The following COL19A1 variants were observed in gnomAD, a reference collection of about 807,000 sequenced individuals.
COL19A1 encodes the protein collagen alpha-1(XIX) chain.
Under a neutral mutation model 190.2 loss-of-function variants are expected in COL19A1, and 159 were observed. The ratio of observed to expected loss-of-function variants is 0.84; its 90% CI spans 0.73 to 0.95. The LOEUF is 0.95. COL19A1 is among the 40% of genes least tolerant of loss of function. COL19A1 has a pLI of 0.00. For synonymous variants in COL19A1, 509 were observed against 458.9 expected (o/e 1.11, Z -1.39); for missense variants, 1,418 against 1,431.9 (o/e 0.99, Z 0.16).
At chr6:70,199,578 G>C (rs898122593) in intron 48 of COL19A1, 30 bp from the exon 49 acceptor site, 16 of 1,411,282 alleles carry the variant, frequency 1.1e-5, no homozygotes, top group Non-Finnish European at 1.4e-5. Flanking sequence ...TCTGTTCTAT[G>C]ATATATTATT....
Position 70,170,949 on chromosome 6 carries a change from G to A in COL19A1, c.2569-1015G>A, listed in dbSNP as rs572597613. Among the ~76,000 whole-genome samples the A allele has an allele frequency of 7.2e-5, 11 of 152,162 alleles. No individual in the cohort carries two copies. The East Asian group carries it at 1.2e-3, about 16-fold the overall frequency. Reference sequence around the variant, plus strand: ...CTTTGTGATTATGTCTAAAGCATCCGGTGTCCTAAGAAAATATTTGCAGTG... The same window carrying A: ...CTTTGTGATTATGTCTAAAGCATCCAGTGTCCTAAGAAAATATTTGCAGTG... On this transcript the variant is annotated intron_variant, in intron 40 of 50. Coordinates refer to ENST00000620364, the MANE Select transcript of COL19A1 (RefSeq NM_001858.6).
chr6:70,036,248 C>G (rs1038471018), intron 14 of COL19A1, among the ~76,000 whole-genome samples: 30 of 152,304 alleles, frequency 2.0e-4, no homozygotes, highest in Non-Finnish European at 1.5e-5. Flanking sequence ...CTCTTAACAT[C>G]AGGTTTAATG....
intron 42 of COL19A1, among the ~76,000 whole-genome samples, chr6:70,179,833 T>A (rs1376363275): frequency 2.0e-5 from 3 of 152,284 alleles, no homozygotes; most frequent in African/African-American, 4.8e-5. Context: ...CCTGCGGAGT[T>A]GACTATATGT....
At chr6:70,072,944 G>A (rs950523312) in intron 15 of COL19A1, among the ~76,000 whole-genome samples, 6 of 150,392 alleles carry the variant, frequency 4.0e-5, no homozygotes, top group African/African-American at 9.8e-5. Context: ...AGACTTTGGG[G>A]CCAGATTGCC....
rs1161378378 is a variant in COL19A1, at chr6:70,084,306, A to G, written c.1224+15830A>G. 2.6e-5 allele frequency among the ~76,000 whole-genome samples: 4 copies of G among 152,152 alleles called. No homozygotes were observed. In the South Asian group the frequency reaches 6.2e-4, roughly 24 times the overall value. ...GATGCTGAGATTTAAAGAAGTTAAT[A>G]TGACTTGTTCAGAGTCACAAAGCCA... is the stretch of plus-strand genomic sequence containing the variant. On this transcript the variant is annotated intron_variant, in intron 15 of 50. Transcript: ENST00000620364.
At chr6:70,188,568 A>G (rs1283374565) in intron 47 of COL19A1, among the ~76,000 whole-genome samples, 2 of 152,192 alleles carry the variant, frequency 1.3e-5, no homozygotes, top group Non-Finnish European at 2.9e-5. Context: ...GGATGGCTTC[A>G]AACCCACGCT....
At chr6:70,206,081 C>A (rs541692568) in intron 49 of COL19A1, among the ~76,000 whole-genome samples, 1 of 152,322 alleles carries the variant, frequency 6.6e-6, no homozygotes, top group African/African-American at 2.4e-5. Flanking sequence ...CATGCTCTTG[C>A]TATCATTTAT....
intron 15 of COL19A1, among the ~76,000 whole-genome samples, chr6:70,071,332 C>T (rs1006118129): frequency 1.3e-5 from 2 of 152,000 alleles, no homozygotes; most frequent in Non-Finnish European, 2.9e-5. Context: ...GCAAGTACCA[C>T]GCCAAGGTTC....
At chr6:69,985,828 T>A (rs1236444005) in intron 11 of COL19A1, among the ~76,000 whole-genome samples, 1 of 152,134 alleles carries the variant, frequency 6.6e-6, no homozygotes, top group East Asian at 1.9e-4. Context: ...GTAATATATA[T>A]CAGGGGACAT....
chr6:70,156,717 C>T lies in COL19A1; in HGVS notation c.2286C>T (p.Gly762=), dbSNP rs2229799. 758,808 of 1,603,714 alleles carry T rather than the reference C, an allele frequency of 0.47. 183,267 individuals carry two copies. The highest frequency in any genetic ancestry group is 0.66 in the African/African-American group (49,520 of 74,610). ...ACCCTGGGATACCTGGGGAGAAAGGCGATGAGGTAACAGATTCTTTTCTGA... is the reference window on the plus strand; with the variant it reads ...ACCCTGGGATACCTGGGGAGAAAGGTGATGAGGTAACAGATTCTTTTCTGA... ...RGYPGIPGEK[G]DEGLQGIPGI... The change falls in exon 34 of 51, where the codon GGC becomes GGT. Residue 762 remains glycine, a synonymous_variant. Transcript: ENST00000620364.
chr6:70,162,539 T>C (rs550146772), intron 35 of COL19A1, among the ~76,000 whole-genome samples: 2 of 152,302 alleles, frequency 1.3e-5, no homozygotes, highest in Admixed American at 6.5e-5. Context: ...AGTCATCAGA[T>C]AAAATATAGT....
chr6:69,933,506 T>C (rs1005520205), intron 7 of COL19A1, among the ~76,000 whole-genome samples: 1 of 152,064 alleles, frequency 6.6e-6, no homozygotes, highest in Non-Finnish European at 1.5e-5. Flanking sequence ...TAAGGCACAT[T>C]CCCTGCCCTC....
chr6:69,999,488 C>T (rs1582646824), intron 11 of COL19A1, among the ~76,000 whole-genome samples: 2 of 152,180 alleles, frequency 1.3e-5, no homozygotes, highest in Non-Finnish European at 2.9e-5. Context: ...GACCTGTGAT[C>T]GTATCATTGC....
intron 11 of COL19A1, among the ~76,000 whole-genome samples, chr6:69,966,781 TAAAAAAAAA>T (rs1015800778): frequency 7.6e-6 from 1 of 132,236 alleles, no homozygotes; most frequent in Non-Finnish European, 1.7e-5. Flanking sequence ...CTAAAAAAAT[TAAAAAAAAA>T]AAAAAGAAAA....
intron 14 of COL19A1, among the ~76,000 whole-genome samples, chr6:70,062,130 A>G (rs1780874244): frequency 6.6e-6 from 1 of 152,070 alleles, no homozygotes; most frequent in South Asian, 2.1e-4. Context: ...TAGATAAAAG[A>G]AATGAGAGTG....
At chr6:70,044,511 G>A (rs1414377586) in intron 14 of COL19A1, among the ~76,000 whole-genome samples, 1 of 152,204 alleles carries the variant, frequency 6.6e-6, no homozygotes, top group East Asian at 1.9e-4. Context: ...GCTTTTAATT[G>A]AAAATGAGAG....
intron 44 of COL19A1, among the ~76,000 whole-genome samples, chr6:70,183,698 A>G (rs925290429): frequency 5.9e-5 from 9 of 152,208 alleles, no homozygotes; most frequent in Non-Finnish European, 2.9e-5. Flanking sequence ...TTGGCGAACT[A>G]TGGTTGGGTT....
At chr6:70,197,582 A>G (rs947827224) in intron 48 of COL19A1, among the ~76,000 whole-genome samples, 22 of 152,322 alleles carry the variant, frequency 1.4e-4, no homozygotes, top group African/African-American at 5.3e-4. Context: ...ATTCAGTATG[A>G]TGATTTGTAA....
At chr6:70,073,279 C>T (rs930969827) in intron 15 of COL19A1, among the ~76,000 whole-genome samples, 2 of 152,282 alleles carry the variant, frequency 1.3e-5, no homozygotes, top group East Asian at 1.9e-4. Flanking sequence ...TGAGCCACAG[C>T]GCCTGGCCCA....
Sources: gnomAD v4.1 joint callset for allele counts (sites outside exome capture counted in the v4.1 genomes callset) on GRCh38, gnomAD v4.1.1 for gene constraint, MANE v1.5 for transcripts, NCBI Gene and HGNC (gene_info 2026-07-23, HGNC 2026-07-21) for gene names.